Variants in PLPPR1 observed in about 807,000 individuals in gnomAD.
PLPPR1 encodes phospholipid phosphatase-related protein type 1.
Under a neutral mutation model 33.1 loss-of-function variants are expected in PLPPR1, and 10 were observed. The observed-to-expected ratio is 0.30, with a 90% CI of 0.19 to 0.51. PLPPR1 has a LOEUF of 0.51. Among genes scored for constraint, PLPPR1 ranks in the 20% least tolerant of loss-of-function variants. The pLI, the probability that PLPPR1 is intolerant of heterozygous loss-of-function variation, is 0.97. For missense variants in PLPPR1, 304 were observed against 408.1 expected, an observed-to-expected ratio of 0.74 and a Z score of 2.20; for synonymous variants, 151 against 151.0, an observed-to-expected ratio of 1.00 and a Z score of 0.00.
chr9:101,292,882 AG>A (rs1334104435), intron 4 of PLPPR1, among the ~76,000 whole-genome samples: 2 of 152,010 alleles, frequency 1.3e-5, no homozygotes, highest in African/African-American at 4.8e-5. Context: ...GAGGCTAGGA[AG>A]AAACTGCATC....
rs749077885 is a variant in PLPPR1 at position 101,317,391 on chromosome 9, A to G, written c.840A>G (p.Lys280=). Residue 280 remains lysine (K), a synonymous_variant, in exon 7 of 8, where the codon AAA becomes AAG. Coordinates refer to ENST00000374874, the MANE Select transcript of PLPPR1 (RefSeq NM_207299.2). ...FLGMCVVHNF[K]GTQGSPSKPK... ...GAATGTGTGTGGTTCATAACTTTAAAGGAACGCAAGGATCTCCTTCCAAAC... is the reference window on the plus strand; with the variant it reads ...GAATGTGTGTGGTTCATAACTTTAAGGGAACGCAAGGATCTCCTTCCAAAC... 6.2e-7 allele frequency: 1 copy of G among 1,614,066 alleles called. No individual in the cohort carries two copies. The highest frequency in any genetic ancestry group is 8.5e-7 in the Non-Finnish European group (1 of 1,179,984).
chr9:101,250,258 A>C (rs1222601715), intron 2 of PLPPR1, among the ~76,000 whole-genome samples: 1 of 151,752 alleles, frequency 6.6e-6, no homozygotes, highest in African/African-American at 2.4e-5. Context: ...GAAAATAAGG[A>C]CTCTGGGTCT....
At chr9:101,132,924 G>T (rs1379040686) in intron 1 of PLPPR1, among the ~76,000 whole-genome samples, 1 of 152,060 alleles carries the variant, frequency 6.6e-6, no homozygotes, top group East Asian at 1.9e-4. Flanking sequence ...ACTTGTCTCT[G>T]TCTTGAATAA....
rs1472322762 is a variant in PLPPR1 at position 101,321,965 on chromosome 9, T to C, written c.946-2060T>C. 6.7e-5 allele frequency among the ~76,000 whole-genome samples: 10 copies of C among 148,440 alleles called. No individual in the cohort carries two copies. The South Asian group carries it at 1.9e-3, about 28-fold the overall frequency. ...AAAAGATACTTATACATATTTAATA[T>C]ATATTTTATATCACCTGAGGTCAGG... On this transcript the variant is annotated intron_variant, in intron 7 of 7. Transcript: ENST00000374874.
chr9:101,054,581 AG>A (rs1431871121), intron 1 of PLPPR1, among the ~76,000 whole-genome samples: 1 of 152,184 alleles, frequency 6.6e-6, no homozygotes, highest in Non-Finnish European at 1.5e-5. Context: ...TCTTTTAGAC[AG>A]GATTTGTTCT....
At chr9:101,048,445 T>A (rs1382666388) in intron 1 of PLPPR1, among the ~76,000 whole-genome samples, 1 of 152,188 alleles carries the variant, frequency 6.6e-6, no homozygotes, top group Non-Finnish European at 1.5e-5. Context: ...TCAGAAACTG[T>A]GTTAACTTCT....
chr9:101,119,251 C>A (rs2118590733), intron 1 of PLPPR1, among the ~76,000 whole-genome samples: 1 of 152,330 alleles, frequency 6.6e-6, no homozygotes, highest in Non-Finnish European at 1.5e-5. Context: ...CAGAGTAGTG[C>A]TTTCCCTTGT....
intron 3 of PLPPR1, among the ~76,000 whole-genome samples, chr9:101,279,522 C>T (rs971177595): frequency 6.6e-6 from 1 of 152,200 alleles, no homozygotes; most frequent in African/African-American, 2.4e-5. Context: ...GAACACAATA[C>T]ACATTCTCCT....
At chr9:101,106,483 C>G (rs1221191985) in intron 1 of PLPPR1, among the ~76,000 whole-genome samples, 49 of 118,732 alleles carry the variant, frequency 4.1e-4, no homozygotes, top group African/African-American at 1.6e-3. Flanking sequence ...GGCCCCCACT[C>G]TCTTCTGGCT....
chr9:101,278,157 G>A (rs921262828), intron 3 of PLPPR1, among the ~76,000 whole-genome samples: 1 of 152,204 alleles, frequency 6.6e-6, no homozygotes, highest in African/African-American at 2.4e-5. Context: ...ATAACATGCA[G>A]TGAAATTTCC....
At chr9:101,219,070 A>G (rs927901955) in intron 2 of PLPPR1, among the ~76,000 whole-genome samples, 3 of 152,314 alleles carry the variant, frequency 2.0e-5, no homozygotes, top group Non-Finnish European at 4.4e-5. Context: ...CATGTCATGA[A>G]CACGCTCCTC....
intron 1 of PLPPR1, among the ~76,000 whole-genome samples, chr9:101,045,000 G>A (rs1260178902): frequency 6.6e-6 from 1 of 152,216 alleles, no homozygotes; most frequent in Non-Finnish European, 1.5e-5. Flanking sequence ...GTAGATGGGT[G>A]TAGAAGGGGG....
At chr9:101,179,688 G>A (rs1038602558) in intron 1 of PLPPR1, among the ~76,000 whole-genome samples, 6 of 152,030 alleles carry the variant, frequency 3.9e-5, no homozygotes, top group Admixed American at 6.6e-5. Flanking sequence ...ATGTGCATGG[G>A]TTCAAGTTGA....
chr9:101,217,098 T>A (rs934716322), intron 2 of PLPPR1, among the ~76,000 whole-genome samples: 6 of 152,174 alleles, frequency 3.9e-5, no homozygotes, highest in Non-Finnish European at 8.8e-5. Context: ...ACATTAAAAT[T>A]AATGCTGTGA....
At chr9:101,092,079 T>C (rs1049867511) in intron 1 of PLPPR1, among the ~76,000 whole-genome samples, 4 of 152,164 alleles carry the variant, frequency 2.6e-5, no homozygotes, top group African/African-American at 9.7e-5. Flanking sequence ...GCTTCTGAAC[T>C]TCATCTTCCT....
At chr9:101,153,753 T>A (rs1433635523) in intron 1 of PLPPR1, among the ~76,000 whole-genome samples, 2 of 129,770 alleles carry the variant, frequency 1.5e-5, no homozygotes, top group African/African-American at 8.4e-5. Context: ...TTTTTTGTAT[T>A]TTTTTTTTTT....
At chr9:101,275,652 G>C (rs1056320010) in intron 3 of PLPPR1, among the ~76,000 whole-genome samples, 2 of 152,154 alleles carry the variant, frequency 1.3e-5, no homozygotes, top group African/African-American at 2.4e-5. Context: ...AAGAGAGCCT[G>C]TTTGGATAAG....
At chr9:101,117,487 C>G (rs1831130251) in intron 1 of PLPPR1, among the ~76,000 whole-genome samples, 1 of 152,184 alleles carries the variant, frequency 6.6e-6, no homozygotes, top group South Asian at 2.1e-4. Context: ...AGCTTCACTT[C>G]CAGAAATTGT....
chr9:101,059,080 G>A (rs190043445), intron 1 of PLPPR1, among the ~76,000 whole-genome samples: 81 of 152,148 alleles, frequency 5.3e-4, no homozygotes, highest in African/African-American at 1.7e-3. Context: ...TTTTTTACCA[G>A]CAAGGGAGTT....
Sources: gnomAD v4.1 joint callset for allele counts (sites outside exome capture counted in the v4.1 genomes callset) on GRCh38, gnomAD v4.1.1 for gene constraint, MANE v1.5 for transcripts, NCBI Gene and HGNC (gene_info 2026-07-23, HGNC 2026-07-21) for gene names.